The following AMOT variants were observed in gnomAD, a reference collection of about 807,000 sequenced individuals.
AMOT encodes angiomotin.
In AMOT, 11 loss-of-function variants were observed where a neutral mutation model predicts 67.0. The ratio of observed to expected loss-of-function variants is 0.16; its 90% CI spans 0.10 to 0.27. AMOT has a LOEUF of 0.27. AMOT is among the 10% of genes least tolerant of loss of function. AMOT has a pLI of 1.00. For synonymous variants in AMOT, 326 were observed against 321.4 expected, an observed-to-expected ratio of 1.01 and a Z score of -0.15; for missense variants, 753 against 852.0, an observed-to-expected ratio of 0.88 and a Z score of 1.45.
At chrX:112,826,565 T>A in intron 2 of AMOT, among the ~76,000 whole-genome samples, 1 of 112,092 alleles carries the variant, frequency 8.9e-6, no homozygotes. Context: ...CTAATTGGAA[T>A]CAAAGCTGGA....
Position 112,822,428 on chromosome X carries a change from C to G in AMOT, c.699G>C (p.Met233Ile). ...PLPNQHSLKG[M>I]EHRGPPPEYP... Reference sequence around the variant, plus strand: ...ATTCTGGTGGGGGGCCTCGGTGTTCCATGCCCTTCAGGCTATGCTGGTTAG... The same window carrying G: ...ATTCTGGTGGGGGGCCTCGGTGTTCGATGCCCTTCAGGCTATGCTGGTTAG... The change falls in exon 4 of 14, where the codon ATG becomes ATC. Residue 233 changes from methionine to isoleucine, a missense_variant. Transcript: ENST00000371959. 1 of 1,167,858 alleles carries G rather than the reference C, an allele frequency of 8.6e-7. No homozygotes were observed. The highest frequency in any genetic ancestry group is 1.1e-6 in the Non-Finnish European group (1 of 873,076).
At chrX:112,794,652 T>C (rs184623632) in intron 8 of AMOT, among the ~76,000 whole-genome samples, 49 of 112,292 alleles carry the variant, frequency 4.4e-4, no homozygotes, top group South Asian at 1.1e-3. Context: ...CAAAGACCTA[T>C]ACGCTTTATT....
chrX:112,813,057 C>T (rs1253341754), intron 5 of AMOT, among the ~76,000 whole-genome samples: 2 of 112,691 alleles, frequency 1.8e-5, no homozygotes, highest in Non-Finnish European at 3.8e-5. Flanking sequence ...ATAAACATTT[C>T]CATCTGAAAG....
chrX:112,832,899 C>G (rs1390060746), intron 1 of AMOT, among the ~76,000 whole-genome samples: 6 of 111,329 alleles, frequency 5.4e-5, no homozygotes, highest in South Asian at 3.8e-4. Flanking sequence ...TATCTTCATA[C>G]CAAAGGGCCT....
chrX:112,823,025 C>T lies in AMOT; in HGVS notation c.102G>A (p.Leu34=). The T allele has an allele frequency of 8.6e-7, 1 of 1,167,573 alleles. No homozygotes were observed. Among genetic ancestry groups the T allele is most frequent in the Non-Finnish European group, 1.1e-6 (1 of 873,036 alleles). The change falls in exon 4 of 14, where the codon CTG becomes CTA. Residue 34 remains leucine (L), a synonymous_variant. Coordinates refer to ENST00000371959, the MANE Select transcript of AMOT (RefSeq NM_001113490.2). ...RYGNPSENRS[L]LAIHQQATGN... is the part of the protein sequence containing the mutation. ...CTGTGGCTTGCTGGTGTATGGCAAGCAGGCTGCGATTCTCACTAGGATTGC... is the reference window on the plus strand; with the variant it reads ...CTGTGGCTTGCTGGTGTATGGCAAGTAGGCTGCGATTCTCACTAGGATTGC...
In AMOT at chrX:112,822,243, G is replaced by A. The variant is rs2046093024; in HGVS notation, c.872+12C>T. ...ATGAGGTCAGGAAATGACAGAAACA[G>A]AACTCTCTTACCTGGCTGCTCCATA... On this transcript the variant is annotated intron_variant, in intron 4 of 13. Transcript: ENST00000371959. 1 of 1,087,248 alleles carries A rather than the reference G, an allele frequency of 9.2e-7. No homozygotes were observed. Among genetic ancestry groups the A allele is most frequent in the African/African-American group, 1.9e-5 (1 of 53,486 alleles). 89.6% of individuals were successfully genotyped at this position (1,087,248 alleles called of 1,213,427 possible).
intron 1 of AMOT, among the ~76,000 whole-genome samples, chrX:112,834,811 G>C (rs928498503): frequency 8.9e-6 from 1 of 112,794 alleles, no homozygotes; most frequent in East Asian, 2.8e-4. Flanking sequence ...ATAACTCACT[G>C]ATCTCTATAG....
chrX:112,834,874 T>C (rs1349117046), intron 1 of AMOT, among the ~76,000 whole-genome samples: 1 of 112,705 alleles, frequency 8.9e-6, no homozygotes, highest in Non-Finnish European at 1.9e-5. Context: ...CCCTGTAAGA[T>C]GCTAGAGTCC....
Position 112,811,434 on chromosome X carries a change from G to T in AMOT, c.1393-41C>A, listed in dbSNP as rs749590828. ...AGACAATGGTGGTGATGGTAGGAGG[G>T]TGATGGGGAAAATGGTCTGAAAACA... On this transcript the variant is annotated intron_variant, in intron 5 of 13. Coordinates refer to ENST00000371959, the MANE Select transcript of AMOT (RefSeq NM_001113490.2). The T allele has an allele frequency of 3.4e-6, 4 of 1,182,449 alleles. No homozygotes were observed. In the South Asian group the frequency reaches 5.6e-5, roughly 17 times the overall value.
chrX:112,805,055 C>T lies in AMOT; in HGVS notation c.1668G>A (p.Ala556=), dbSNP rs757259461. ...TGGTAGAACGGGCAGTGGCCAGCTC[C>T]GCTTCCAGCTTCTCCTTCTCACGCT... ...ESQREKEKLE[A]ELATARSTNE... Residue 556 remains alanine, a synonymous_variant, in exon 8 of 14, where the codon GCG becomes GCA. Transcript: ENST00000371959. The T allele has an allele frequency of 2.1e-5, 25 of 1,209,684 alleles. No homozygotes were observed. The highest frequency in any genetic ancestry group is 1.3e-4 in the Admixed American group (6 of 45,675).
intron 1 of AMOT, among the ~76,000 whole-genome samples, chrX:112,833,010 T>C (rs1253067294): frequency 8.9e-6 from 1 of 111,971 alleles, no homozygotes; most frequent in African/African-American, 3.3e-5. Flanking sequence ...CAGAACTGAA[T>C]CTAAACCCTG....
chrX:112,822,269 C>T lies in AMOT; in HGVS notation c.858G>A (p.Glu286=). Residue 286 remains glutamate (E), a synonymous_variant, in exon 4 of 14, where the codon GAG becomes GAA. Transcript: ENST00000371959. ...GQLMRYQHPP[E]YGAARPAQDI... ...AACTCTCTTACCTGGCTGCTCCATA[C>T]TCAGGGGGATGCTGATACCTCATCA... is the stretch of plus-strand genomic sequence containing the variant. The T allele has an allele frequency of 9.1e-7, 1 of 1,103,360 alleles. No homozygotes were observed. 90.9% of individuals were successfully genotyped at this position (1,103,360 alleles called of 1,213,427 possible).
chrX:112,819,952 A>G (rs1402861032), intron 4 of AMOT, among the ~76,000 whole-genome samples: 1 of 112,426 alleles, frequency 8.9e-6, no homozygotes, highest in African/African-American at 3.2e-5. Flanking sequence ...CAAACTGTAT[A>G]GCTAGTTGGT....
Position 112,815,532 on chromosome X carries a change from G to C in AMOT, c.1218C>G (p.Ala406=). ...QQQPQQQPGE[A]YSAMPRAQPS... ...GCTGAGCCCGAGGCATAGCTGAATA[G>C]GCTTCTCCTGGCTGCTGCTGTGGCT... The change falls in exon 5 of 14, where the codon GCC becomes GCG. Residue 406 remains alanine, a synonymous_variant. Coordinates refer to ENST00000371959, the MANE Select transcript of AMOT (RefSeq NM_001113490.2). 2 of 1,211,418 alleles carry C rather than the reference G, an allele frequency of 1.7e-6. No homozygotes were observed. The highest frequency in any genetic ancestry group is 2.2e-6 in the Non-Finnish European group (2 of 895,452).
At chrX:112,794,554 A>G (rs1342129225) in intron 8 of AMOT, among the ~76,000 whole-genome samples, 1 of 111,920 alleles carries the variant, frequency 8.9e-6, no homozygotes, top group Admixed American at 9.5e-5. Context: ...GACCAGTCCA[A>G]GATCCTAGAG....
At chrX:112,823,443 GA>G in intron 3 of AMOT, among the ~76,000 whole-genome samples, 1 of 111,547 alleles carries the variant, frequency 9.0e-6, no homozygotes, top group Non-Finnish European at 1.9e-5. Context: ...TAACTCCTAA[GA>G]ATGCTTGAGA....
rs752058575 is a variant in AMOT, at chrX:112,779,166, A to C, written c.2988T>G (p.Ser996=). ...TTGGTGCCTGAGTCTGAGCAGGAGC[A>C]GAAGCCTGAGCCGCTGCTGGAGCTG... ...PVPAPAAAQA[S]APAQTQAPTS... is the part of the protein sequence containing the mutation. Residue 996 remains serine, a synonymous_variant, in exon 13 of 14, where the codon TCT becomes TCG. Transcript: ENST00000371959. The C allele has an allele frequency of 2.8e-5, 25 of 895,396 alleles. No individual in the cohort carries two copies. The highest frequency in any genetic ancestry group is 4.0e-5 in the Non-Finnish European group (24 of 606,531). The allele number at this position is 895,396 out of a possible 1,213,427, so 73.8% of individuals were successfully genotyped here. A position where few individuals can be genotyped will look rare whatever the true frequency, so the allele number is the denominator to read the frequency against.
chrX:112,814,320 A>C (rs188049687), intron 5 of AMOT, among the ~76,000 whole-genome samples: 9 of 111,423 alleles, frequency 8.1e-5, no homozygotes, highest in African/African-American at 2.9e-4. Flanking sequence ...TGCTGATAAT[A>C]AGCCCCTGTC....
intron 1 of AMOT, among the ~76,000 whole-genome samples, chrX:112,835,187 C>A (rs1432631085): frequency 1.8e-5 from 2 of 111,649 alleles, no homozygotes; most frequent in Non-Finnish European, 3.8e-5. Flanking sequence ...CCTTGCTTCC[C>A]AGAAGGGTAA....
Sources: allele counts gnomAD v4.1 joint callset (sites outside exome capture counted in the v4.1 genomes callset), GRCh38; gene constraint gnomAD v4.1.1; transcripts MANE v1.5; gene names NCBI Gene and HGNC (gene_info 2026-07-23, HGNC 2026-07-21).